Variants in LARGE1 observed in about 807,000 individuals in gnomAD.
LARGE1 encodes the protein xylosyl- and glucuronyltransferase LARGE1.
A neutral mutation model predicts 87.6 loss-of-function variants in LARGE1; 43 were observed. The ratio of observed to expected loss-of-function variants is 0.49; its 90% CI spans 0.38 to 0.63. The LOEUF is 0.63. LARGE1 is among the 30% of genes least tolerant of loss of function. The pLI, the probability that LARGE1 is intolerant of heterozygous loss-of-function variation, is 0.00. For synonymous variants in LARGE1, 434 were observed against 394.6 expected (o/e 1.10, Z -1.18); for missense variants, 802 against 1,000.2 (o/e 0.80, Z 2.67).
intron 6 of LARGE1, among the ~76,000 whole-genome samples, chr22:33,546,066 A>G (rs1466513012): frequency 7.2e-5 from 11 of 152,266 alleles, no homozygotes; most frequent in Admixed American, 5.9e-4. Flanking sequence ...TACACTGAGG[A>G]CTGATTAGTA....
intron 2 of LARGE1, among the ~76,000 whole-genome samples, chr22:33,683,080 T>TA (rs1262519316): frequency 6.6e-6 from 1 of 152,226 alleles, no homozygotes; most frequent in Non-Finnish European, 1.5e-5. Context: ...CCATAAGATA[T>TA]ACGATGCAAT....
intron 1 of LARGE1, among the ~76,000 whole-genome samples, chr22:33,843,470 A>AAT (rs1555883350): frequency 6.8e-6 from 1 of 146,962 alleles, no homozygotes. Flanking sequence ...TAAATAAATA[A>AAT]AAATAAAAAA....
the LARGE1 span, among the ~76,000 whole-genome samples, chr22:33,131,287 C>T: frequency 1.3e-5 from 2 of 152,130 alleles, no homozygotes; most frequent in African/African-American, 4.8e-5. Context: ...CTCTCTGTCC[C>T]TGAGTCTGTT....
intron 7 of LARGE1, among the ~76,000 whole-genome samples, chr22:33,415,804 C>G (rs2066466699): frequency 6.6e-6 from 1 of 152,138 alleles, no homozygotes; most frequent in Non-Finnish European, 1.5e-5. Flanking sequence ...TAAATGGAGA[C>G]AATCAAGAGG....
chr22:33,384,132 T>C (rs2065247403), intron 8 of LARGE1, 60 bp downstream of exon 8: 1 of 1,190,700 alleles, frequency 8.4e-7, no homozygotes, highest in Non-Finnish European at 1.3e-6. Flanking sequence ...TTTAAGTTTC[T>C]TTGAGAAACA....
intron 9 of LARGE1, among the ~76,000 whole-genome samples, chr22:33,341,430 A>G (rs1332961100): frequency 6.6e-6 from 1 of 152,070 alleles, no homozygotes; most frequent in African/African-American, 2.4e-5. Flanking sequence ...GTTGGGTTCC[A>G]TCTATGAGAG....
intron 7 of LARGE1, among the ~76,000 whole-genome samples, chr22:33,413,052 C>A (rs898969525): frequency 1.3e-5 from 2 of 152,160 alleles, no homozygotes; most frequent in African/African-American, 2.4e-5. Flanking sequence ...TGAGCTAGGA[C>A]CCTAGCACAT....
At chr22:33,478,427 A>G (rs2069171546) in intron 6 of LARGE1, among the ~76,000 whole-genome samples, 1 of 152,246 alleles carries the variant, frequency 6.6e-6, no homozygotes, top group African/African-American at 2.4e-5. Flanking sequence ...GTTCTGCAAA[A>G]TAGTCTGGGA....
intron 2 of LARGE1, among the ~76,000 whole-genome samples, chr22:33,714,084 A>C (rs553050039): frequency 6.6e-6 from 1 of 152,310 alleles, no homozygotes; most frequent in African/African-American, 2.4e-5. Context: ...ATCATCCTGG[A>C]AACTGGTCCA....
At chr22:33,393,855 C>T (rs113135998) in intron 7 of LARGE1, among the ~76,000 whole-genome samples, 1 of 152,068 alleles carries the variant, frequency 6.6e-6, no homozygotes, top group African/African-American at 2.4e-5. Context: ...GAGACCAACG[C>T]TAAATAAATA....
intron 7 of LARGE1, among the ~76,000 whole-genome samples, chr22:33,425,389 G>C (rs2066842360): frequency 6.6e-6 from 1 of 152,208 alleles, no homozygotes; most frequent in Non-Finnish European, 1.5e-5. Context: ...CCACACACTA[G>C]AATGGCTGGG....
intron 5 of LARGE1, among the ~76,000 whole-genome samples, chr22:33,580,332 T>C (rs1175873258): frequency 6.8e-6 from 1 of 148,026 alleles, no homozygotes; most frequent in Non-Finnish European, 1.5e-5. Context: ...ATCGCACCAC[T>C]GCACTCCAGC....
chr22:33,082,416 A>G, the LARGE1 span, among the ~76,000 whole-genome samples: 40 of 152,264 alleles, frequency 2.6e-4, 1 homozygote, highest in East Asian at 7.2e-3. Flanking sequence ...ATTGCAGCTG[A>G]CCCTTGAACA....
intron 6 of LARGE1, among the ~76,000 whole-genome samples, chr22:33,440,359 G>A (rs1161777798): frequency 6.6e-6 from 1 of 152,144 alleles, no homozygotes; most frequent in Non-Finnish European, 1.5e-5. Context: ...TGATCTGCAG[G>A]ATGCTTTCAG....
chr22:33,868,263 C>T (rs1045623246), intron 1 of LARGE1, among the ~76,000 whole-genome samples: 8 of 152,106 alleles, frequency 5.3e-5, no homozygotes, highest in Non-Finnish European at 7.4e-5. Flanking sequence ...CAGCCGGCCT[C>T]GTCGGAAGCA....
At chr22:33,312,492 G>A (rs927823285) in intron 11 of LARGE1, among the ~76,000 whole-genome samples, 2 of 148,934 alleles carry the variant, frequency 1.3e-5, no homozygotes, top group Non-Finnish European at 3.0e-5. Context: ...CAAAGTGACA[G>A]GGCAACAAAG....
intron 11 of LARGE1, among the ~76,000 whole-genome samples, chr22:33,307,651 G>C (rs984039133): frequency 3.9e-5 from 6 of 152,166 alleles, no homozygotes; most frequent in African/African-American, 1.4e-4. Context: ...CTGGGCACCG[G>C]CATTTCAGGA....
intron 6 of LARGE1, among the ~76,000 whole-genome samples, chr22:33,440,076 T>C (rs1447706054): frequency 2.0e-5 from 3 of 152,212 alleles, no homozygotes; most frequent in Non-Finnish European, 4.4e-5. Context: ...TGCCATTCCA[T>C]TCTGCCTACC....
At chr22:33,071,691 G>GA in the LARGE1 span, among the ~76,000 whole-genome samples, 2 of 152,182 alleles carry the variant, frequency 1.3e-5, no homozygotes, top group Non-Finnish European at 2.9e-5. Flanking sequence ...TGGACTGGTG[G>GA]AATGACTAGC....
Sources: allele counts gnomAD v4.1 joint callset (sites outside exome capture counted in the v4.1 genomes callset), GRCh38; gene constraint gnomAD v4.1.1; transcripts MANE v1.5; gene names NCBI Gene and HGNC (gene_info 2026-07-23, HGNC 2026-07-21).